The following COL5A2 variants were observed in gnomAD, a reference collection of about 807,000 sequenced individuals.
COL5A2 encodes the protein collagen alpha-2(V) chain.
A neutral mutation model predicts 208.2 loss-of-function variants in COL5A2; 23 were observed. The ratio of observed to expected loss-of-function variants is 0.11; its 90% CI spans 0.08 to 0.16. The LOEUF (loss-of-function observed/expected upper bound fraction) is 0.16. COL5A2 is among the 10% of genes least tolerant of loss of function. The pLI is 1.00. For synonymous variants in COL5A2, 625 were observed against 628.5 expected, an observed-to-expected ratio of 0.99 and a Z score of 0.08; for missense variants, 1,590 against 1,956.4, an observed-to-expected ratio of 0.81 and a Z score of 3.53.
the COL5A2 span, among the ~76,000 whole-genome samples, chr2:189,392,281 G>A: frequency 6.6e-6 from 1 of 151,928 alleles, no homozygotes; most frequent in Non-Finnish European, 1.5e-5. Flanking sequence ...AATAGATTTT[G>A]GACTCAACCA....
intron 1 of COL5A2, among the ~76,000 whole-genome samples, chr2:189,209,985 G>T (rs868314374): frequency 6.6e-6 from 1 of 152,294 alleles, no homozygotes; most frequent in East Asian, 1.9e-4. Flanking sequence ...TGGTAATGCC[G>T]CCCTGAAAGG....
chr2:189,353,354 G>T, the COL5A2 span, among the ~76,000 whole-genome samples: 3 of 152,168 alleles, frequency 2.0e-5, no homozygotes. Flanking sequence ...TACGGAGATA[G>T]CAAAGAATCT....
chr2:189,163,788 A>G (rs930760916), intron 1 of COL5A2, among the ~76,000 whole-genome samples: 3 of 152,246 alleles, frequency 2.0e-5, no homozygotes, highest in African/African-American at 7.2e-5. Context: ...CAAAGCAGAC[A>G]GTAGCTCTGG....
rs916484238 is a variant in COL5A2, at chr2:189,143,267, G to A, written c.98-32818C>T. Reference sequence around the variant, plus strand: ...ATACTATGAACCCTAGCTTGGGGCTGTATCTACTGGAAGAAGGAATGCCTT... The same window carrying A: ...ATACTATGAACCCTAGCTTGGGGCTATATCTACTGGAAGAAGGAATGCCTT... On this transcript the variant is annotated intron_variant, in intron 1 of 53. Coordinates refer to ENST00000374866, the MANE Select transcript of COL5A2 (RefSeq NM_000393.5). 5.3e-5 allele frequency among the ~76,000 whole-genome samples: 8 copies of A among 152,294 alleles called. No individual in the cohort carries two copies. The East Asian group carries it at 7.7e-4, about 15-fold the overall frequency.
chr2:189,263,432 T>C, the COL5A2 span, among the ~76,000 whole-genome samples: 1 of 152,152 alleles, frequency 6.6e-6, no homozygotes, highest in Admixed American at 6.6e-5. Flanking sequence ...GTCCCATACG[T>C]TTATAATGGA....
chr2:189,083,904 C>T (rs984248284), intron 12 of COL5A2, 80 bp downstream of exon 12: 10 of 1,007,960 alleles, frequency 9.9e-6, no homozygotes, highest in Admixed American at 1.7e-5. Flanking sequence ...GTGCCTGATA[C>T]ATGTGCATAC....
intron 1 of COL5A2, among the ~76,000 whole-genome samples, chr2:189,148,043 T>A (rs1420553716): frequency 1.3e-5 from 2 of 152,174 alleles, no homozygotes; most frequent in Non-Finnish European, 2.9e-5. Flanking sequence ...TTAGTATTAA[T>A]AGAAAGAGGA....
the COL5A2 span, among the ~76,000 whole-genome samples, chr2:189,243,378 T>G: frequency 6.6e-6 from 1 of 151,866 alleles, no homozygotes; most frequent in Non-Finnish European, 1.5e-5. Context: ...AGAAAAAGGG[T>G]TTAATGGACT....
intron 1 of COL5A2, among the ~76,000 whole-genome samples, chr2:189,221,915 G>C (rs1369707839): frequency 6.6e-6 from 1 of 151,890 alleles, no homozygotes; most frequent in Admixed American, 6.6e-5. Context: ...CTATAATGTG[G>C]ATCTATTCAA....
At chr2:189,417,647 A>G in the COL5A2 span, among the ~76,000 whole-genome samples, 6 of 151,578 alleles carry the variant, frequency 4.0e-5, no homozygotes, top group Non-Finnish European at 2.9e-5. Flanking sequence ...CACTATTTCT[A>G]TATCAACTTT....
chr2:189,210,765 A>C (rs1201809712), intron 1 of COL5A2, among the ~76,000 whole-genome samples: 1 of 152,194 alleles, frequency 6.6e-6, no homozygotes, highest in Non-Finnish European at 1.5e-5. Context: ...TTTTGTCCAG[A>C]TTAGTATAAA....
In COL5A2 at chr2:189,057,454, A is replaced by C. The variant is rs775345316; in HGVS notation, c.2230-27T>G. On this transcript the variant is annotated intron_variant, in intron 33 of 53. Transcript: ENST00000374866. ...TAAAATGAACCAACATTAAGTGACC[A>C]TACCAATAATATTAAGATTAAACTA... 7 of 1,482,776 alleles carry C rather than the reference A, an allele frequency of 4.7e-6. No individual in the cohort carries two copies. In the Admixed American group the frequency reaches 8.4e-5, roughly 18 times the overall value. The allele number at this position is 1,482,776 out of a possible 1,614,324, so 91.9% of individuals were successfully genotyped here.
At chr2:189,159,429 T>C (rs1688316239) in intron 1 of COL5A2, among the ~76,000 whole-genome samples, 1 of 152,196 alleles carries the variant, frequency 6.6e-6, no homozygotes, top group Non-Finnish European at 1.5e-5. Context: ...GATGACTGTT[T>C]CATCGATTTT....
At chr2:189,429,348 TTA>T in the COL5A2 span, among the ~76,000 whole-genome samples, 1 of 152,202 alleles carries the variant, frequency 6.6e-6, no homozygotes, top group Non-Finnish European at 1.5e-5. Flanking sequence ...TCCCAAATTC[TTA>T]TGTGGGAGAA....
intron 2 of COL5A2, among the ~76,000 whole-genome samples, chr2:189,105,227 C>T (rs1362161828): frequency 6.6e-6 from 1 of 151,624 alleles, no homozygotes; most frequent in Admixed American, 6.6e-5. Flanking sequence ...AAGATAAATT[C>T]CCCAATATCC....
chr2:189,304,678 A>G, the COL5A2 span, among the ~76,000 whole-genome samples: 1 of 152,222 alleles, frequency 6.6e-6, no homozygotes, highest in Non-Finnish European at 1.5e-5. Flanking sequence ...ACTAGGCCCT[A>G]ACTTCAACAC....
chr2:189,093,452 T>C (rs942248997), intron 6 of COL5A2, among the ~76,000 whole-genome samples: 2 of 152,144 alleles, frequency 1.3e-5, no homozygotes, highest in Non-Finnish European at 2.9e-5. Context: ...TAGGAGCTGA[T>C]AGTGCAGAGG....
the COL5A2 span, among the ~76,000 whole-genome samples, chr2:189,354,328 T>C: frequency 1.3e-5 from 2 of 152,200 alleles, no homozygotes; most frequent in Non-Finnish European, 1.5e-5. Context: ...TCTTTTTCTA[T>C]TGTTTGGAAT....
chr2:189,064,751 TATAAC>T, intron 24 of COL5A2, 96 bp from the exon 25 acceptor site: 3 of 954,346 alleles, frequency 3.1e-6, no homozygotes, highest in South Asian at 1.3e-5. Flanking sequence ...AAGGCACTAA[TATAAC>T]ATACAAATCA....
Sources: gnomAD v4.1 joint callset for allele counts (sites outside exome capture counted in the v4.1 genomes callset) on GRCh38, gnomAD v4.1.1 for gene constraint, MANE v1.5 for transcripts, NCBI Gene and HGNC (gene_info 2026-07-23, HGNC 2026-07-21) for gene names.